GSN: variants seen among roughly 807,000 people sequenced by gnomAD.
GSN encodes actin-depolymerizing factor.
GSN carries 56 observed loss-of-function variants against 85.7 expected under a neutral mutation model. The ratio of observed to expected loss-of-function variants is 0.65; its 90% CI spans 0.53 to 0.82. GSN has a LOEUF of 0.82. Among genes scored for constraint, GSN ranks in the 40% least tolerant of loss-of-function variants. The pLI is 0.00. For missense variants in GSN, 857 were observed against 979.8 expected (o/e 0.87, Z 1.67); for synonymous variants, 373 against 399.1 (o/e 0.93, Z 0.78).
intron 1 of GSN, among the ~76,000 whole-genome samples, chr9:121,280,597 G>A (rs920557607): frequency 6.6e-6 from 1 of 152,200 alleles, no homozygotes; most frequent in African/African-American, 2.4e-5. Flanking sequence ...GGATGAGAAA[G>A]ATACAATTTG....
At chr9:121,255,697 G>GATTTATTTAAATAA (rs1349398465) in intron 6 of GSN, among the ~76,000 whole-genome samples, 1 of 152,058 alleles carries the variant, frequency 6.6e-6, no homozygotes, top group Admixed American at 6.5e-5. Context: ...CATGTATTAT[G>GATTTATTTAAATAA]ATTTATTTAA....
Position 121,332,829 on chromosome 9 carries a change from C to T in GSN, c.*226C>T. On this transcript the variant is annotated 3_prime_UTR_variant, in exon 18 of 18. Coordinates refer to ENST00000432226, the MANE Select transcript of GSN (RefSeq NM_198252.3). The surrounding 1 kb of genome is among the most constrained non-coding windows in gnomAD (Gnocchi z 4.8). The stretch of plus-strand genomic sequence containing the variant: ...TTTGGGAAATTAAATCCAATAAAAA[C>T]ATTTTGAAGTGTGTACTCTAGTGTG... 1.8e-6 allele frequency: 1 copy of T among 563,758 alleles called. No individual in the cohort carries two copies. Among genetic ancestry groups the T allele is most frequent in the Non-Finnish European group, 3.2e-6 (1 of 316,458 alleles). 34.9% of individuals were successfully genotyped at this position (563,758 alleles called of 1,614,324 possible). A position where few individuals can be genotyped will look rare whatever the true frequency, so the allele number is the denominator to read the frequency against.
upstream of GSN, among the ~76,000 whole-genome samples, chr9:121,267,056 T>C (rs575970241): frequency 6.6e-6 from 1 of 152,284 alleles, no homozygotes; most frequent in South Asian, 2.1e-4. Flanking sequence ...AGCTTTACCC[T>C]GGCTGAACAT....
intron 5 of GSN, among the ~76,000 whole-genome samples, chr9:121,243,374 TA>T (rs1049602617): frequency 2.0e-5 from 3 of 152,208 alleles, no homozygotes; most frequent in African/African-American, 7.2e-5. Flanking sequence ...CTCCCCATCT[TA>T]AGATTCTTAA....
chr9:121,327,228 C>A, intron 13 of GSN, 80 bp from the exon 14 acceptor site: 1 of 1,123,278 alleles, frequency 8.9e-7, no homozygotes, highest in Non-Finnish European at 1.4e-6. Context: ...GCTAGTCCTG[C>A]TGCGGGGTCT....
chr9:121,239,055 A>G (rs762458384), intron 5 of GSN: 38 of 418,828 alleles, frequency 9.1e-5, no homozygotes, highest in Non-Finnish European at 1.4e-4. Flanking sequence ...GGTGAATGAT[A>G]TCGTTGGCAG....
rs776707209 is a variant in GSN, at chr9:121,331,458, C to T, written c.2026+10C>T. On this transcript the variant is annotated intron_variant, in intron 17 of 17. Transcript: ENST00000432226. ...GAAGCCTTGACTTCTGGTGAGGACC[C>T]GAGTGCCTGGGGGCGGGGGGAGGGG... is the stretch of plus-strand genomic sequence containing the variant. 18 of 1,515,350 alleles carry T rather than the reference C, an allele frequency of 1.2e-5. No individual in the cohort carries two copies. The highest frequency in any genetic ancestry group is 9.4e-5 in the East Asian group (4 of 42,608). The allele number at this position is 1,515,350 out of a possible 1,614,324, so 93.9% of individuals were successfully genotyped here.
chr9:121,207,955 G>GTGTGTT (rs2053911379), intron 1 of GSN: 1 of 149,640 alleles, frequency 6.7e-6, no homozygotes. Flanking sequence ...GTGTGTGTGT[G>GTGTGTT]TGTGTATTTT....
At chr9:121,279,685 A>G (rs963510448) in intron 1 of GSN, among the ~76,000 whole-genome samples, 1 of 152,040 alleles carries the variant, frequency 6.6e-6, no homozygotes, top group African/African-American at 2.4e-5. Flanking sequence ...GGAGGAGCAC[A>G]TTGTACTTGG....
At chr9:121,212,918 G>A (rs1414549938) in intron 4 of GSN, among the ~76,000 whole-genome samples, 1 of 152,054 alleles carries the variant, frequency 6.6e-6, no homozygotes, top group African/African-American at 2.4e-5. Context: ...CAAAGTGCTG[G>A]GATCACAGGC....
At chr9:121,286,801 C>A in intron 2 of GSN, 2 of 1,490,528 alleles carry the variant, frequency 1.3e-6, no homozygotes, top group Non-Finnish European at 1.8e-6. Flanking sequence ...GAGAGTCAGA[C>A]TTCGGACTTC....
chr9:121,286,447 TACGC>T, intron 2 of GSN: 1 of 700,068 alleles, frequency 1.4e-6, no homozygotes, highest in Non-Finnish European at 2.3e-6. Flanking sequence ...CCAAACTGTT[TACGC>T]TTCCTTGTGC....
rs765873773 is a variant in GSN at position 121,329,207 on chromosome 9, A to T, written c.1888-31A>T. On this transcript the variant is annotated intron_variant, in intron 15 of 17. Coordinates refer to ENST00000432226, the MANE Select transcript of GSN (RefSeq NM_198252.3). This position sits in a 1 kb window ranked among gnomAD's most constrained non-coding sequence, Gnocchi z 4.6. ...GAAGGCCACCCAGGGGAGGGAAGAC[A>T]TCTCACTGATGCTCTTTCGTTCCTT... 6.4e-7 allele frequency: 1 copy of T among 1,551,758 alleles called. No individual in the cohort carries two copies. The highest frequency in any genetic ancestry group is 8.9e-7 in the Non-Finnish European group (1 of 1,123,358).
chr9:121,278,917 C>T (rs924179135), intron 1 of GSN, among the ~76,000 whole-genome samples: 1 of 152,244 alleles, frequency 6.6e-6, no homozygotes, highest in African/African-American at 2.4e-5. Flanking sequence ...CATCTGCACT[C>T]TTTGCCGGCT....
At chr9:121,227,600 G>A (rs973626885) in intron 4 of GSN, among the ~76,000 whole-genome samples, 1 of 152,132 alleles carries the variant, frequency 6.6e-6, no homozygotes, top group African/African-American at 2.4e-5. Flanking sequence ...CCCTTCACCT[G>A]TGGAATCCAA....
chr9:121,271,703 C>T (rs1485195913), intron 1 of GSN, among the ~76,000 whole-genome samples: 2 of 152,168 alleles, frequency 1.3e-5, no homozygotes, highest in Non-Finnish European at 2.9e-5. Flanking sequence ...GAGCTCAGCC[C>T]TGCAGCAGAG....
intron 1 of GSN, among the ~76,000 whole-genome samples, chr9:121,279,475 G>A (rs1312860201): frequency 6.6e-6 from 1 of 152,072 alleles, no homozygotes; most frequent in African/African-American, 2.4e-5. Context: ...TGGCATTGGG[G>A]TGGGGAGAAG....
upstream of GSN, among the ~76,000 whole-genome samples, chr9:121,263,845 C>T (rs940632208): frequency 6.8e-5 from 10 of 147,448 alleles, no homozygotes; most frequent in Admixed American, 6.9e-4. Flanking sequence ...ACCGAGATTG[C>T]GCCATTGCAC....
intron 6 of GSN, among the ~76,000 whole-genome samples, chr9:121,259,166 C>T (rs549765527): frequency 5.9e-5 from 9 of 152,208 alleles, no homozygotes; most frequent in Non-Finnish European, 1.3e-4. Flanking sequence ...AGATATCTGG[C>T]CCTGCCCTCA....
Sources: allele counts gnomAD v4.1 joint callset (sites outside exome capture counted in the v4.1 genomes callset), GRCh38; gene constraint gnomAD v4.1.1; non-coding constraint Gnocchi (gnomAD v3.1); transcripts MANE v1.5; gene names NCBI Gene and HGNC (gene_info 2026-07-23, HGNC 2026-07-21).